Variants in PTPRD observed in about 807,000 individuals in gnomAD.
PTPRD encodes the protein protein tyrosine phosphatase receptor type D.
PTPRD carries 34 observed loss-of-function variants against 214.5 expected under a neutral mutation model. That is an observed-to-expected ratio of 0.16 (90% CI 0.12 to 0.21). The LOEUF (loss-of-function observed/expected upper bound fraction) is 0.21. PTPRD is among the 10% of genes least tolerant of loss of function. The probability of loss-of-function intolerance (pLI) is 1.00; values close to 1 mark genes in which losing one functional copy is unlikely to be tolerated. For synonymous variants in PTPRD, 1,128 were observed against 845.7 expected, an observed-to-expected ratio of 1.33 and a Z score of -5.79; for missense variants, 2,545 against 2,398.7, an observed-to-expected ratio of 1.06 and a Z score of -1.27.
Position 8,774,247 on chromosome 9 carries a change from G to T in PTPRD, c.-103-40301C>A, listed in dbSNP as rs549174890. On this transcript the variant is annotated intron_variant, in intron 11 of 45. Coordinates refer to ENST00000381196, the MANE Select transcript of PTPRD (RefSeq NM_002839.4). ...TATGCTCAATTTGGTTTCCTTCAAC[G>T]TCCGGATATCTTTTTTAGGTAGCAT... Among the ~76,000 whole-genome samples the T allele has an allele frequency of 4.2e-4, 39 of 91,920 alleles. No homozygotes were observed. In the Admixed American group the frequency reaches 4.6e-3, roughly 11 times the overall value. The allele number at this position is 91,920 out of a possible 152,430, so 60.3% of individuals were successfully genotyped here.
chr9:10,400,683 A>T (rs932439258), intron 2 of PTPRD, among the ~76,000 whole-genome samples: 7 of 151,748 alleles, frequency 4.6e-5, no homozygotes, highest in Admixed American at 2.6e-4. Flanking sequence ...TTTCTAAAAA[A>T]AATAATAATA....
intron 9 of PTPRD, among the ~76,000 whole-genome samples, chr9:9,208,019 G>GTTTTTTTTTTTTTTTTTTT (rs1569562243): frequency 1.5e-4 from 4 of 26,034 alleles, no homozygotes; most frequent in Non-Finnish European, 2.7e-4. Context: ...ATATATATCT[G>GTTTTTTTTTTTTTTTTTTT]CTTTTTTTTT....
At chr9:9,681,163 C>T (rs914080667) in intron 7 of PTPRD, among the ~76,000 whole-genome samples, 3 of 151,710 alleles carry the variant, frequency 2.0e-5, no homozygotes, top group African/African-American at 7.3e-5. Context: ...ATCTGGGATA[C>T]CTTCTTATAA....
At chr9:9,308,759 A>G (rs1312231609) in intron 9 of PTPRD, among the ~76,000 whole-genome samples, 1 of 152,210 alleles carries the variant, frequency 6.6e-6, no homozygotes, top group Non-Finnish European at 1.5e-5. Context: ...GATACAATTT[A>G]AAACATAATG....
At chr9:10,014,947 G>C (rs964604304) in intron 4 of PTPRD, among the ~76,000 whole-genome samples, 1 of 152,072 alleles carries the variant, frequency 6.6e-6, no homozygotes, top group African/African-American at 2.4e-5. Flanking sequence ...GTTTGGGATT[G>C]AGTAATTAAA....
intron 44 of PTPRD, among the ~76,000 whole-genome samples, chr9:8,322,947 A>T (rs1157154930): frequency 1.3e-5 from 2 of 152,134 alleles, no homozygotes; most frequent in Admixed American, 6.6e-5. Context: ...CAAGAATTAC[A>T]CTAAATATAC....
chr9:10,527,133 G>A (rs1241923781), intron 2 of PTPRD, among the ~76,000 whole-genome samples: 10 of 152,106 alleles, frequency 6.6e-5, no homozygotes, highest in African/African-American at 2.2e-4. Flanking sequence ...TTATCACCAG[G>A]CTATGGTGTG....
intron 8 of PTPRD, among the ~76,000 whole-genome samples, chr9:9,472,192 T>C (rs937648196): frequency 3.5e-5 from 3 of 86,040 alleles, no homozygotes; most frequent in African/African-American, 1.2e-4. Context: ...CTCCAATCTT[T>C]TTTTTTTTTT....
chr9:9,242,050 A>C (rs2099970623), intron 9 of PTPRD, among the ~76,000 whole-genome samples: 1 of 151,930 alleles, frequency 6.6e-6, no homozygotes, highest in African/African-American at 2.4e-5. Context: ...GTGGTGACAA[A>C]ATCTCTCAGC....
intron 5 of PTPRD, among the ~76,000 whole-genome samples, chr9:9,919,049 T>A (rs2081787288): frequency 6.6e-6 from 1 of 152,270 alleles, no homozygotes; most frequent in African/African-American, 2.4e-5. Context: ...TGGCAGCCTT[T>A]TATTTGCTAA....
intron 11 of PTPRD, among the ~76,000 whole-genome samples, chr9:8,974,507 C>A (rs1192017747): frequency 6.6e-6 from 1 of 151,984 alleles, no homozygotes; most frequent in Non-Finnish European, 1.5e-5. Flanking sequence ...ATCAACCCAT[C>A]ATCTAGGATA....
chr9:10,276,877 G>C (rs922343032), intron 3 of PTPRD, among the ~76,000 whole-genome samples: 1 of 152,122 alleles, frequency 6.6e-6, no homozygotes, highest in African/African-American at 2.4e-5. Context: ...GCTCTTCTTT[G>C]AGTACACAAA....
intron 10 of PTPRD, among the ~76,000 whole-genome samples, chr9:9,098,608 T>C (rs754262789): frequency 4.6e-5 from 7 of 152,214 alleles, no homozygotes; most frequent in Admixed American, 2.0e-4. Context: ...GTGTCTGTAA[T>C]ATAATCTGCA....
chr9:8,718,902 T>A (rs1407221130), intron 12 of PTPRD, among the ~76,000 whole-genome samples: 2 of 152,270 alleles, frequency 1.3e-5, no homozygotes, highest in East Asian at 3.9e-4. Flanking sequence ...AATGGTGTTT[T>A]CTCATTAGTT....
chr9:10,269,877 T>C (rs1328936043), intron 3 of PTPRD, among the ~76,000 whole-genome samples: 2 of 152,176 alleles, frequency 1.3e-5, no homozygotes, highest in Non-Finnish European at 2.9e-5. Context: ...AATACTTTTA[T>C]TAATTTTTTT....
chr9:9,540,988 T>TA (rs148682199), intron 8 of PTPRD, among the ~76,000 whole-genome samples: 26,287 of 151,578 alleles, frequency 0.17, 2,978 homozygotes, highest in Non-Finnish European at 0.24. Flanking sequence ...CTGAAGATAT[T>TA]AAAAAAACAA....
At chr9:8,760,260 C>T (rs537130230) in intron 11 of PTPRD, among the ~76,000 whole-genome samples, 2 of 151,946 alleles carry the variant, frequency 1.3e-5, no homozygotes, top group African/African-American at 4.8e-5. Flanking sequence ...CACACAGATA[C>T]ACACACACAC....
At chr9:9,086,430 A>G (rs77742754) in intron 10 of PTPRD, among the ~76,000 whole-genome samples, 2,344 of 152,268 alleles carry the variant, frequency 0.015, 40 homozygotes, top group East Asian at 0.064. Flanking sequence ...GAAGGCTAGG[A>G]GCCTAAAGAC....
At chr9:9,021,159 T>C (rs375033761) in intron 10 of PTPRD, among the ~76,000 whole-genome samples, 46 of 152,310 alleles carry the variant, frequency 3.0e-4, no homozygotes, top group African/African-American at 9.6e-4. Context: ...ACATATCTTT[T>C]GTTACATAAA....
Sources: gnomAD v4.1 joint callset for allele counts (sites outside exome capture counted in the v4.1 genomes callset) on GRCh38, gnomAD v4.1.1 for gene constraint, MANE v1.5 for transcripts, NCBI Gene and HGNC (gene_info 2026-07-23, HGNC 2026-07-21) for gene names.